NOS1: variants seen among roughly 807,000 people sequenced by gnomAD.
NOS1 encodes NOS type I.
A neutral mutation model predicts 164.5 loss-of-function variants in NOS1; 51 were observed. The observed-to-expected ratio is 0.31, with a 90% CI of 0.25 to 0.39. The LOEUF (loss-of-function observed/expected upper bound fraction) is 0.39. NOS1 is among the 10% of genes least tolerant of loss of function. NOS1 has a pLI of 1.00. For synonymous variants in NOS1, 719 were observed against 745.8 expected, an observed-to-expected ratio of 0.96 and a Z score of 0.59; for missense variants, 1,362 against 1,885.6, an observed-to-expected ratio of 0.72 and a Z score of 5.14.
intron 22 of NOS1, among the ~76,000 whole-genome samples, chr12:117,228,842 A>G (rs568074128): frequency 1.3e-5 from 2 of 152,236 alleles, no homozygotes; most frequent in South Asian, 2.1e-4. Context: ...GTGCAACGGC[A>G]CGATCTTGGC....
At chr12:117,291,843 A>C (rs1199285795) in intron 3 of NOS1, among the ~76,000 whole-genome samples, 1 of 152,074 alleles carries the variant, frequency 6.6e-6, no homozygotes, top group Non-Finnish European at 1.5e-5. Flanking sequence ...GCCTAGGATC[A>C]CATCTGTCTT....
chr12:117,227,967 G>C (rs1868851131), intron 22 of NOS1, among the ~76,000 whole-genome samples: 1 of 151,936 alleles, frequency 6.6e-6, no homozygotes, highest in African/African-American at 2.4e-5. Context: ...GGTGCTTGAG[G>C]CTGCCATGAG....
chr12:117,326,397 AAAAACAAAAAAAC>A (rs1240575235), intron 2 of NOS1, among the ~76,000 whole-genome samples: 1 of 5,000 alleles, frequency 2.0e-4, no homozygotes, highest in African/African-American at 3.4e-3. Context: ...AAAAAAAAAA[AAAAACAAAAAAAC>A]AAAAACAAAA....
chr12:117,213,848 A>C lies in NOS1; in HGVS notation c.*1461T>G. On this transcript the variant is annotated 3_prime_UTR_variant, in exon 29 of 29. Coordinates refer to ENST00000317775, the MANE Select transcript of NOS1 (RefSeq NM_000620.5). ...TAATTTGTAGTATTTAAAAAAGTAT[A>C]CAAAGGGATCCCTTCCCACCATTTA... 60 of 985,188 alleles carry C rather than the reference A, an allele frequency of 6.1e-5. No homozygotes were observed. The highest frequency in any genetic ancestry group is 7.2e-5 in the Non-Finnish European group (60 of 829,928). The allele number at this position is 985,188 out of a possible 1,614,324, so 61.0% of individuals were successfully genotyped here.
At chr12:117,252,340 T>A (rs1411893019) in intron 17 of NOS1, among the ~76,000 whole-genome samples, 1 of 152,186 alleles carries the variant, frequency 6.6e-6, no homozygotes, top group Non-Finnish European at 1.5e-5. Flanking sequence ...AAAACCATTA[T>A]TAGCTCATGG....
intron 19 of NOS1, 95 bp from the exon 20 acceptor site, chr12:117,242,800 C>A: frequency 9.1e-7 from 1 of 1,094,470 alleles, no homozygotes; most frequent in Non-Finnish European, 1.4e-6. Context: ...CCCATAATCC[C>A]AACTACTTAG....
In NOS1 at chr12:117,209,571, T is replaced by C. The variant is rs1168862157; in HGVS notation, c.*5738A>G. 11 of 985,392 alleles carry C rather than the reference T, an allele frequency of 1.1e-5. No homozygotes were observed. Among genetic ancestry groups the C allele is most frequent in the East Asian group, 1.1e-4 (1 of 8,832 alleles). 61.0% of individuals were successfully genotyped at this position (985,392 alleles called of 1,614,324 possible). A position where few individuals can be genotyped will look rare whatever the true frequency, so the allele number is the denominator to read the frequency against. On this transcript the variant is annotated 3_prime_UTR_variant, in exon 29 of 29. Transcript: ENST00000317775. The stretch of plus-strand genomic sequence containing the variant: ...GACTGTGTTTTGGGCCAGACGGGCA[T>C]AGCCCCGCTTGACCAGAACTGTTTG...
chr12:117,250,476 C>T (rs915034667), intron 17 of NOS1, among the ~76,000 whole-genome samples: 133 of 151,900 alleles, frequency 8.8e-4, no homozygotes, highest in African/African-American at 2.8e-3. Context: ...TTACAGGCCC[C>T]CATAACCACG....
At chr12:117,315,445 C>G (rs187593859) in intron 2 of NOS1, among the ~76,000 whole-genome samples, 1 of 152,222 alleles carries the variant, frequency 6.6e-6, no homozygotes, top group East Asian at 1.9e-4. Context: ...AACTCCTGGC[C>G]TCGAGTGATC....
Position 117,214,038 on chromosome 12 carries a change from A to G in NOS1, c.*1271T>C. 8.1e-6 allele frequency: 8 copies of G among 985,422 alleles called. No homozygotes were observed. Among genetic ancestry groups the G allele is most frequent in the Non-Finnish European group, 9.6e-6 (8 of 829,930 alleles). The allele number at this position is 985,422 out of a possible 1,614,324, so 61.0% of individuals were successfully genotyped here. A position where few individuals can be genotyped will look rare whatever the true frequency, so the allele number is the denominator to read the frequency against. ...CTTTGGAGATCAACTGCAGAGGGCA[A>G]CAAGCCTGAGGGACAAGTTCTTCCC... On this transcript the variant is annotated 3_prime_UTR_variant, in exon 29 of 29. Transcript: ENST00000317775.
chr12:117,217,925 C>A, intron 28 of NOS1, 121 bp downstream of exon 28: 1 of 732,062 alleles, frequency 1.4e-6, no homozygotes, highest in Non-Finnish European at 2.4e-6. Context: ...AACACGTTCC[C>A]AGATGGTGCT....
At position 117,222,853 on chromosome 12, in the gene NOS1, G is replaced by A. The variant is rs1291083171; in HGVS notation, c.3837C>T (p.Pro1279=). Residue 1279 remains proline, a synonymous_variant, in exon 26 of 29, where the codon CCC becomes CCT. Transcript: ENST00000317775. ...QFDIQHKGMN[P]CPMVLVFGCR... The stretch of plus-strand genomic sequence containing the variant: ...ACCCGAAGACCAGGACCATGGGGCA[G>A]GGGTTCATTCCTGGGGACCAGGAAG... 5 of 1,613,638 alleles carry A rather than the reference G, an allele frequency of 3.1e-6. No homozygotes were observed. The highest frequency in any genetic ancestry group is 4.2e-6 in the Non-Finnish European group (5 of 1,179,788).
At chr12:117,318,708 GAGGGGAGC>G (rs1874776675) in intron 2 of NOS1, among the ~76,000 whole-genome samples, 1 of 152,252 alleles carries the variant, frequency 6.6e-6, no homozygotes, top group East Asian at 1.9e-4. Context: ...GAGGACCTGA[GAGGGGAGC>G]AGGTGGGCCA....
In NOS1 at chr12:117,272,525, A is replaced by G. The variant is rs1872870867; in HGVS notation, c.1699T>C (p.Tyr567His). 2 of 1,614,150 alleles carry G rather than the reference A, an allele frequency of 1.2e-6. No homozygotes were observed. Among genetic ancestry groups the G allele is most frequent in the Non-Finnish European group, 1.7e-6 (2 of 1,180,018 alleles). ...ATGTTGGACACGGCGGGGAGGCCGT[A>G]CCACTTCAGCCCCAGGTCCTTGAAC... ...EWFKDLGLKW[Y>H]GLPAVSNMLL... The change falls in exon 10 of 29, where the codon TAC (tyrosine) becomes CAC (histidine). Residue 567 changes from tyrosine (Y) to histidine (H), a missense_variant. Physicochemically the swap from Tyr to His is moderately conservative, Grantham distance 83. Around this residue, in one of 4 missense-constraint regions of NOS1, gnomAD observed 134 missense variants for 267.3 expected, o/e 0.50. Transcript: ENST00000317775. The surrounding 1 kb of genome is among the most constrained non-coding windows in gnomAD (Gnocchi z 4.3).
chr12:117,357,111 C>T (rs1876887506), intron 1 of NOS1, among the ~76,000 whole-genome samples: 1 of 152,142 alleles, frequency 6.6e-6, no homozygotes, highest in African/African-American at 2.4e-5. Context: ...TGGCTTGAGC[C>T]CAGGAGTTTG....
chr12:117,260,433 A>G, intron 14 of NOS1, 32 bp downstream of exon 14: 1 of 1,605,550 alleles, frequency 6.2e-7, no homozygotes, highest in Non-Finnish European at 8.5e-7. Flanking sequence ...CACCATGAGA[A>G]GCTGGTGGAG....
intron 8 of NOS1, among the ~76,000 whole-genome samples, chr12:117,279,301 C>CA (rs1338549984): frequency 6.6e-6 from 1 of 151,910 alleles, no homozygotes; most frequent in African/African-American, 2.4e-5. Context: ...TGCTTGAACT[C>CA]AGAGTTGCAG....
At chr12:117,235,037 C>G (rs573231930) in intron 20 of NOS1, among the ~76,000 whole-genome samples, 3 of 152,162 alleles carry the variant, frequency 2.0e-5, no homozygotes, top group African/African-American at 7.2e-5. Context: ...CCCACCTCAG[C>G]CTCCCAAGTA....
chr12:117,258,551 A>G, intron 15 of NOS1, 96 bp from the exon 16 acceptor site: 1 of 1,259,892 alleles, frequency 7.9e-7, no homozygotes, highest in Non-Finnish European at 1.1e-6. Flanking sequence ...GTCAAAGAGG[A>G]GACTGATGCC....
Sources: gnomAD v4.1 joint callset for allele counts (sites outside exome capture counted in the v4.1 genomes callset) on GRCh38, gnomAD v4.1.1 for gene constraint, gnomAD v4.1.1 regional missense constraint, Gnocchi (gnomAD v3.1) non-coding constraint, MANE v1.5 for transcripts, NCBI Gene and HGNC (gene_info 2026-07-23, HGNC 2026-07-21) for gene names.